CNTN5: variants seen among roughly 807,000 people sequenced by gnomAD.
CNTN5 encodes the protein contactin-5.
A neutral mutation model predicts 129.1 loss-of-function variants in CNTN5; 77 were observed. The ratio of observed to expected loss-of-function variants is 0.60; its 90% CI spans 0.50 to 0.72. The LOEUF (loss-of-function observed/expected upper bound fraction) is 0.72, where lower values mean the gene tolerates loss of function less well. CNTN5 is among the 30% of genes least tolerant of loss of function. The pLI is 0.00. For missense variants in CNTN5, 1,478 were observed against 1,328.8 expected, an observed-to-expected ratio of 1.11 and a Z score of -1.75; for synonymous variants, 509 against 465.6, an observed-to-expected ratio of 1.09 and a Z score of -1.20.
At chr11:99,980,768 A>G (rs547004155) in intron 8 of CNTN5, among the ~76,000 whole-genome samples, 4 of 152,178 alleles carry the variant, frequency 2.6e-5, no homozygotes, top group Admixed American at 2.6e-4. Flanking sequence ...AAGGAAACTG[A>G]TTAATTTAGT....
At chr11:99,532,976 A>C (rs745879162) in intron 2 of CNTN5, among the ~76,000 whole-genome samples, 1 of 152,192 alleles carries the variant, frequency 6.6e-6, no homozygotes, top group Admixed American at 6.5e-5. Context: ...TAATCCCAGC[A>C]CTTTGGGAGG....
chr11:99,083,321 C>T lies in CNTN5; in HGVS notation c.-210+62051C>T, dbSNP rs1407537180. ...CACATGTGTCCTCTCTTCTAAGCTC[C>T]AAAACAACTGTAGTCTCAAGATGAA... On this transcript the variant is annotated intron_variant, in intron 1 of 24. Transcript: ENST00000524871. 2.0e-5 allele frequency among the ~76,000 whole-genome samples: 3 copies of T among 152,066 alleles called. No homozygotes were observed. In the East Asian group the frequency reaches 5.8e-4, roughly 29 times the overall value.
chr11:99,468,878 C>T (rs1009765414), intron 2 of CNTN5, among the ~76,000 whole-genome samples: 1 of 151,636 alleles, frequency 6.6e-6, no homozygotes, highest in Admixed American at 6.6e-5. Context: ...TAAATGCTTT[C>T]TACTAGTTTT....
chr11:100,110,926 G>T (rs1945636790), intron 13 of CNTN5, among the ~76,000 whole-genome samples: 1 of 151,782 alleles, frequency 6.6e-6, no homozygotes. Flanking sequence ...TCCTGATAGT[G>T]CAGTCCATTG....
At chr11:99,462,928 TA>T (rs1944772201) in intron 2 of CNTN5, among the ~76,000 whole-genome samples, 1 of 151,402 alleles carries the variant, frequency 6.6e-6, no homozygotes, top group South Asian at 2.1e-4. Context: ...CTACTAAAAA[TA>T]CAAAAACAAA....
At chr11:100,025,119 T>G (rs1373816764) in intron 9 of CNTN5, among the ~76,000 whole-genome samples, 2 of 152,076 alleles carry the variant, frequency 1.3e-5, no homozygotes, top group African/African-American at 4.8e-5. Context: ...AGGAAAATGG[T>G]TTTGTGGGCT....
At chr11:100,060,015 C>G (rs1050580170) in intron 9 of CNTN5, among the ~76,000 whole-genome samples, 1 of 151,914 alleles carries the variant, frequency 6.6e-6, no homozygotes, top group Non-Finnish European at 1.5e-5. Flanking sequence ...TCGAAAACAG[C>G]CTTGCCGACA....
chr11:99,274,732 C>A (rs1863345089), intron 1 of CNTN5, among the ~76,000 whole-genome samples: 1 of 151,400 alleles, frequency 6.6e-6, no homozygotes, highest in East Asian at 2.0e-4. Context: ...AGCTCTGACA[C>A]TTCGTAGCTT....
At chr11:100,212,919 T>G (rs2138591906) in intron 15 of CNTN5, among the ~76,000 whole-genome samples, 1 of 152,188 alleles carries the variant, frequency 6.6e-6, no homozygotes, top group African/African-American at 2.4e-5. Flanking sequence ...TGGAAGATGT[T>G]TCAGTCTCAT....
chr11:99,147,150 A>G (rs1478557844), intron 1 of CNTN5, among the ~76,000 whole-genome samples: 1 of 152,198 alleles, frequency 6.6e-6, no homozygotes, highest in Non-Finnish European at 1.5e-5. Context: ...CTGTTTTGTT[A>G]TTAATGCATC....
chr11:100,353,992 T>G (rs1342783180), intron 24 of CNTN5, among the ~76,000 whole-genome samples: 1 of 151,502 alleles, frequency 6.6e-6, no homozygotes, highest in African/African-American at 2.4e-5. Flanking sequence ...GATTATAGTA[T>G]TATTATTAGG....
chr11:99,774,087 G>A (rs1162138507), intron 3 of CNTN5, among the ~76,000 whole-genome samples: 3 of 151,694 alleles, frequency 2.0e-5, no homozygotes, highest in South Asian at 4.2e-4. Flanking sequence ...TTTTAAGTTT[G>A]TTGCTTCTTC....
chr11:100,006,974 A>G (rs34092998), intron 9 of CNTN5, among the ~76,000 whole-genome samples: 18,267 of 152,122 alleles, frequency 0.12, 1,163 homozygotes, highest in Middle Eastern at 0.16. Context: ...AAATAACATT[A>G]ATATTGCTCA....
chr11:100,073,673 C>T (rs1340762943), intron 12 of CNTN5, among the ~76,000 whole-genome samples: 1 of 151,530 alleles, frequency 6.6e-6, no homozygotes, highest in Non-Finnish European at 1.5e-5. Context: ...AATTTTTAAA[C>T]AATGTATTAT....
chr11:100,092,685 CAT>C (rs1365895217), intron 13 of CNTN5, among the ~76,000 whole-genome samples: 1 of 152,070 alleles, frequency 6.6e-6, no homozygotes, highest in African/African-American at 2.4e-5. Flanking sequence ...CTGTATAAAT[CAT>C]GTGTGGAATA....
At chr11:100,294,539 T>C (rs1401868017) in intron 18 of CNTN5, among the ~76,000 whole-genome samples, 4 of 151,740 alleles carry the variant, frequency 2.6e-5, no homozygotes, top group African/African-American at 4.8e-5. Flanking sequence ...TAACCATATG[T>C]ATAAACTTGA....
chr11:99,331,565 T>C (rs1866000290), intron 2 of CNTN5, among the ~76,000 whole-genome samples: 1 of 152,136 alleles, frequency 6.6e-6, no homozygotes, highest in African/African-American at 2.4e-5. Flanking sequence ...AACACCTTGG[T>C]GCCTAGACTT....
chr11:99,220,535 A>G (rs1192499727), intron 1 of CNTN5, among the ~76,000 whole-genome samples: 2 of 151,918 alleles, frequency 1.3e-5, no homozygotes, highest in Admixed American at 1.3e-4. Context: ...ACCACAATTA[A>G]ATAAATGCAA....
chr11:99,362,853 T>A (rs182018965), intron 2 of CNTN5, among the ~76,000 whole-genome samples: 2 of 152,246 alleles, frequency 1.3e-5, no homozygotes, highest in East Asian at 3.9e-4. Context: ...ATTTCTATGC[T>A]GTCTATTGTA....
Sources: allele counts gnomAD v4.1 joint callset (sites outside exome capture counted in the v4.1 genomes callset), GRCh38; gene constraint gnomAD v4.1.1; transcripts MANE v1.5; gene names NCBI Gene and HGNC (gene_info 2026-07-23, HGNC 2026-07-21).